The following CTNNA3 variants were observed in gnomAD, a reference collection of about 807,000 sequenced individuals.
CTNNA3 encodes catenin alpha-3.
In CTNNA3, 76 loss-of-function variants were observed where a neutral mutation model predicts 95.7. The ratio of observed to expected loss-of-function variants is 0.79; its 90% CI spans 0.66 to 0.96. CTNNA3 has a LOEUF of 0.96. Among genes scored for constraint, CTNNA3 ranks in the 40% least tolerant of loss-of-function variants. CTNNA3 has a pLI of 0.00. For synonymous variants in CTNNA3, 431 were observed against 374.4 expected, an observed-to-expected ratio of 1.15 and a Z score of -1.74; for missense variants, 1,191 against 1,089.8, an observed-to-expected ratio of 1.09 and a Z score of -1.31.
chr10:66,368,342 T>C (rs961206643), intron 12 of CTNNA3, among the ~76,000 whole-genome samples: 1 of 151,976 alleles, frequency 6.6e-6, no homozygotes, highest in Non-Finnish European at 1.5e-5. Context: ...TGTGCACAGT[T>C]TAGATAGAGG....
In CTNNA3 at chr10:66,416,701, T is replaced by C. The variant is rs148226736; in HGVS notation, c.1532-37349A>G. 3.3e-3 allele frequency among the ~76,000 whole-genome samples: 502 copies of C among 151,988 alleles called. 1 individual carries two copies. The highest frequency in any genetic ancestry group is 0.012 in the African/African-American group (481 of 41,508). The stretch of plus-strand genomic sequence containing the variant: ...AAAAACTGCAAGCTAAGATACTATA[T>C]CTAACAAAATTATCCTTCATAAATG... On this transcript the variant is annotated intron_variant, in intron 11 of 17. Transcript: ENST00000433211.
chr10:67,558,648 G>C (rs1263728220), intron 3 of CTNNA3, among the ~76,000 whole-genome samples: 1 of 152,230 alleles, frequency 6.6e-6, no homozygotes, highest in Non-Finnish European at 1.5e-5. Context: ...AGGACAGTGG[G>C]TGCAGTGCAC....
intron 5 of CTNNA3, among the ~76,000 whole-genome samples, chr10:67,464,332 A>G (rs1419523803): frequency 6.6e-6 from 1 of 152,194 alleles, no homozygotes; most frequent in Admixed American, 6.5e-5. Flanking sequence ...CAGAAACAAA[A>G]ATAATAACTC....
intron 17 of CTNNA3, among the ~76,000 whole-genome samples, chr10:65,944,766 C>T (rs1786661444): frequency 6.6e-6 from 1 of 152,104 alleles, no homozygotes. Context: ...AAAGGGGAGG[C>T]TTGTTTCATA....
intron 1 of CTNNA3, among the ~76,000 whole-genome samples, chr10:67,657,993 C>T (rs568769093): frequency 6.6e-6 from 1 of 152,226 alleles, no homozygotes; most frequent in South Asian, 2.1e-4. Context: ...CCACTCAGAC[C>T]CTTAGCAGGG....
At chr10:67,145,030 G>A (rs1426513247) in intron 7 of CTNNA3, among the ~76,000 whole-genome samples, 1 of 152,078 alleles carries the variant, frequency 6.6e-6, no homozygotes, top group Non-Finnish European at 1.5e-5. Context: ...TTTCAATATT[G>A]TTGTTTCACA....
At chr10:67,691,051 C>T (rs1285821030) in intron 1 of CTNNA3, among the ~76,000 whole-genome samples, 2 of 152,230 alleles carry the variant, frequency 1.3e-5, no homozygotes, top group Admixed American at 6.5e-5. Flanking sequence ...GCCGCCACGC[C>T]TGACTGGTTT....
At chr10:66,126,841 C>T (rs1360711833) in intron 13 of CTNNA3, among the ~76,000 whole-genome samples, 1 of 152,004 alleles carries the variant, frequency 6.6e-6, no homozygotes, top group East Asian at 1.9e-4. Flanking sequence ...TACAAATATA[C>T]CCTGAAAAGC....
intron 5 of CTNNA3, among the ~76,000 whole-genome samples, chr10:67,402,083 A>T (rs970305875): frequency 6.6e-6 from 1 of 152,182 alleles, no homozygotes; most frequent in African/African-American, 2.4e-5. Context: ...AATGTTTCCT[A>T]ACCAGTCTGA....
intron 10 of CTNNA3, among the ~76,000 whole-genome samples, chr10:66,534,162 T>C (rs779958894): frequency 4.0e-4 from 61 of 152,140 alleles, no homozygotes; most frequent in Non-Finnish European, 7.1e-4. Flanking sequence ...CATGGAACTG[T>C]TATGCTCAAA....
chr10:67,048,260 G>T (rs1186708138), intron 7 of CTNNA3, among the ~76,000 whole-genome samples: 2 of 151,972 alleles, frequency 1.3e-5, no homozygotes, highest in Non-Finnish European at 2.9e-5. Flanking sequence ...AGAAAATTCT[G>T]CCCACTTTCT....
intron 5 of CTNNA3, among the ~76,000 whole-genome samples, chr10:67,256,871 T>G (rs1274133159): frequency 6.6e-6 from 1 of 152,140 alleles, no homozygotes; most frequent in Non-Finnish European, 1.5e-5. Flanking sequence ...TTTAGTGAAA[T>G]TTTTAGAACA....
rs561648391 is a variant in CTNNA3, at chr10:67,467,191, A to C, written c.579+54651T>G. 9.2e-5 allele frequency among the ~76,000 whole-genome samples: 14 copies of C among 152,300 alleles called. No homozygotes were observed. The South Asian group carries it at 2.9e-3, about 32-fold the overall frequency. The stretch of plus-strand genomic sequence containing the variant: ...CTGGAACCAAATCTCATAGTAACAA[A>C]GTTTCACATTTTAAAATTTCAGAGG... On this transcript the variant is annotated intron_variant, in intron 5 of 17. Transcript: ENST00000433211.
At chr10:66,750,307 G>C (rs1178307713) in intron 9 of CTNNA3, among the ~76,000 whole-genome samples, 1 of 152,046 alleles carries the variant, frequency 6.6e-6, no homozygotes, top group Non-Finnish European at 1.5e-5. Context: ...AAATCATCTA[G>C]ATTTTCTCCT....
chr10:66,119,379 G>T lies in CTNNA3; in HGVS notation c.1885-16130C>A, dbSNP rs74142674. Among the ~76,000 whole-genome samples the T allele has an allele frequency of 2.4e-3, 359 of 152,208 alleles. 1 individual carries two copies. Among genetic ancestry groups the T allele is most frequent in the African/African-American group, 8.3e-3 (343 of 41,538 alleles). Reference sequence around the variant, plus strand: ...CAAAGTGTTCAGTTTGGTTTGTTTTGCTAGACACCCTACAAGCTGTTCCTA... The same window carrying T: ...CAAAGTGTTCAGTTTGGTTTGTTTTTCTAGACACCCTACAAGCTGTTCCTA... On this transcript the variant is annotated intron_variant, in intron 13 of 17. Coordinates refer to ENST00000433211, the MANE Select transcript of CTNNA3 (RefSeq NM_013266.4).
intron 13 of CTNNA3, among the ~76,000 whole-genome samples, chr10:66,254,676 T>C (rs1282641294): frequency 3.3e-5 from 5 of 152,240 alleles, no homozygotes; most frequent in Non-Finnish European, 7.3e-5. Context: ...GGGCATCTTT[T>C]TGACTCATCC....
intron 7 of CTNNA3, among the ~76,000 whole-genome samples, chr10:66,913,253 A>AAAAG: frequency 6.7e-6 from 1 of 149,632 alleles, no homozygotes; most frequent in African/African-American, 2.4e-5. Flanking sequence ...AAAAAAAAAA[A>AAAAG]AAAAAAAAAA....
chr10:65,992,686 A>G (rs2078569376), intron 15 of CTNNA3, among the ~76,000 whole-genome samples: 1 of 151,590 alleles, frequency 6.6e-6, no homozygotes, highest in Non-Finnish European at 1.5e-5. Context: ...TTTTCACAAA[A>G]CCAATTTGTT....
chr10:66,502,379 A>G (rs1840305806), intron 11 of CTNNA3, among the ~76,000 whole-genome samples: 1 of 152,160 alleles, frequency 6.6e-6, no homozygotes, highest in East Asian at 1.9e-4. Context: ...TTTATTATAA[A>G]TGTTTAAGAA....
Sources: allele counts gnomAD v4.1 joint callset (sites outside exome capture counted in the v4.1 genomes callset), GRCh38; gene constraint gnomAD v4.1.1; transcripts MANE v1.5; gene names NCBI Gene and HGNC (gene_info 2026-07-23, HGNC 2026-07-21).